CEP112: variants seen among roughly 807,000 people sequenced by gnomAD.
The protein encoded by CEP112 is centrosomal protein 112.
Under a neutral mutation model 153.0 loss-of-function variants are expected in CEP112, and 127 were observed. The observed-to-expected ratio is 0.83, with a 90% CI of 0.72 to 0.96. The LOEUF (loss-of-function observed/expected upper bound fraction) is 0.96. Ranked by LOEUF, CEP112 falls within the 40% of genes least tolerant of loss-of-function variation. The pLI, the probability that CEP112 is intolerant of heterozygous loss-of-function variation, is 0.00. For missense variants in CEP112, 1,089 were observed against 1,101.2 expected (o/e 0.99, Z 0.16); for synonymous variants, 358 against 374.4 (o/e 0.96, Z 0.51).
chr17:65,704,420 TACACACACACAC>T (rs3074178), intron 23 of CEP112, among the ~76,000 whole-genome samples: 2 of 147,704 alleles, frequency 1.4e-5, no homozygotes, highest in Non-Finnish European at 3.0e-5. Context: ...ACGTGTAAAA[TACACACACACAC>T]ACACACACAC....
chr17:66,069,911 C>G lies in CEP112; in HGVS notation c.855+4G>C. 1 of 1,542,622 alleles carries G rather than the reference C, an allele frequency of 6.5e-7. No homozygotes were observed. The highest frequency in any genetic ancestry group is 1.1e-5 in the South Asian group (1 of 87,298). ...ATAATTAAAACACGAGATATATATC[C>G]TACCTTCTGAACATCAGCATCATGT... is the stretch of plus-strand genomic sequence containing the variant. On this transcript the variant is annotated splice_donor_region_variant and intron_variant, in intron 9 of 26. Coordinates refer to ENST00000535342, the MANE Select transcript of CEP112 (RefSeq NM_001199165.4).
At chr17:65,732,997 C>T (rs62063593) in intron 23 of CEP112, among the ~76,000 whole-genome samples, 4 of 152,198 alleles carry the variant, frequency 2.6e-5, no homozygotes, top group Non-Finnish European at 4.4e-5. Flanking sequence ...GTGGCTATTT[C>T]GTACAAGAGG....
chr17:66,088,917 ACCCAC>A (rs1388938328), intron 8 of CEP112, among the ~76,000 whole-genome samples: 1 of 142,626 alleles, frequency 7.0e-6, no homozygotes. Context: ...TCAGGCTTAA[ACCCAC>A]CCTAGAACCA....
chr17:65,911,896 G>A (rs1158218351), intron 19 of CEP112, among the ~76,000 whole-genome samples: 2 of 152,170 alleles, frequency 1.3e-5, no homozygotes, highest in Non-Finnish European at 2.9e-5. Context: ...TTTCCGGAAG[G>A]TAAGATTTGG....
At chr17:66,102,231 G>C (rs996389438) in intron 6 of CEP112, among the ~76,000 whole-genome samples, 3 of 152,132 alleles carry the variant, frequency 2.0e-5, no homozygotes, top group South Asian at 4.1e-4. Context: ...GGTACTTTGA[G>C]AGACGTTTAT....
At chr17:65,774,111 T>TGGATTTAAACG (rs1177456336) in intron 21 of CEP112, among the ~76,000 whole-genome samples, 1 of 151,570 alleles carries the variant, frequency 6.6e-6, no homozygotes, top group Non-Finnish European at 1.5e-5. Flanking sequence ...AGTCCATTTT[T>TGGATTTAAACG]GGATTTAAAC....
chr17:65,906,189 T>C (rs1396863321), intron 19 of CEP112, among the ~76,000 whole-genome samples: 1 of 151,580 alleles, frequency 6.6e-6, no homozygotes, highest in Non-Finnish European at 1.5e-5. Context: ...ACACCCCATG[T>C]TCTCACTCAT....
rs535606142 is a variant in CEP112, at chr17:65,956,405, T to TACACAC, written c.1872+5057_1872+5058insGTGTGT. Among the ~76,000 whole-genome samples, 264 of 145,012 alleles carry TACACAC rather than the reference T, an allele frequency of 1.8e-3. 1 individual carries two copies. The highest frequency in any genetic ancestry group is 6.6e-3 in the Admixed American group (96 of 14,452). ...AGAAATTATGATATATATACATACA[T>TACACAC]ACATACACACACACACACACACACA... On this transcript the variant is annotated intron_variant, in intron 18 of 26. Coordinates refer to ENST00000535342, the MANE Select transcript of CEP112 (RefSeq NM_001199165.4).
At chr17:66,032,049 C>T (rs908042078) in intron 12 of CEP112, among the ~76,000 whole-genome samples, 2 of 152,096 alleles carry the variant, frequency 1.3e-5, no homozygotes, top group Admixed American at 6.5e-5. Context: ...GATGGAGTTG[C>T]ACTCTGTCCA....
intron 8 of CEP112, among the ~76,000 whole-genome samples, chr17:66,094,619 C>T (rs2146267741): frequency 6.6e-6 from 1 of 152,062 alleles, no homozygotes; most frequent in South Asian, 2.1e-4. Context: ...AACCGAAAAG[C>T]ATAGTCAACA....
intron 19 of CEP112, among the ~76,000 whole-genome samples, chr17:65,926,400 C>G (rs7207120): frequency 0.038 from 5,728 of 152,168 alleles, 323 homozygotes; most frequent in African/African-American, 0.12. Context: ...TATAAAGGTA[C>G]CATCTTTTCT....
At chr17:66,135,620 A>G (rs1002182234) in intron 4 of CEP112, among the ~76,000 whole-genome samples, 1 of 152,210 alleles carries the variant, frequency 6.6e-6, no homozygotes, top group Non-Finnish European at 1.5e-5. Flanking sequence ...CAACATGGAA[A>G]GAAAAAATTC....
At chr17:66,007,410 G>A (rs1279063757) in intron 16 of CEP112, among the ~76,000 whole-genome samples, 2 of 152,120 alleles carry the variant, frequency 1.3e-5, no homozygotes, top group Non-Finnish European at 2.9e-5. Flanking sequence ...AAAGAAGTCT[G>A]CTGTTCAAGT....
At chr17:66,135,868 T>G (rs2070411000) in intron 4 of CEP112, among the ~76,000 whole-genome samples, 2 of 151,366 alleles carry the variant, frequency 1.3e-5, no homozygotes, top group African/African-American at 2.4e-5. Context: ...TATAGATATA[T>G]AGATATAAAG....
chr17:65,991,830 T>G (rs1219737785), intron 17 of CEP112, among the ~76,000 whole-genome samples: 1 of 152,094 alleles, frequency 6.6e-6, no homozygotes, highest in Admixed American at 6.5e-5. Flanking sequence ...AAGTCACAAT[T>G]CCTCACTTTG....
At chr17:66,123,008 C>T (rs2069670960) in intron 6 of CEP112, among the ~76,000 whole-genome samples, 1 of 152,222 alleles carries the variant, frequency 6.6e-6, no homozygotes, top group Non-Finnish European at 1.5e-5. Context: ...TCTGATCTCA[C>T]TGGTCTTCAG....
intron 16 of CEP112, among the ~76,000 whole-genome samples, chr17:66,019,478 TA>T (rs1387103647): frequency 6.6e-6 from 1 of 152,062 alleles, no homozygotes; most frequent in East Asian, 1.9e-4. Flanking sequence ...GCAGGTTTAA[TA>T]AAGAAAGAAA....
chr17:66,043,788 C>T (rs2066086604), intron 12 of CEP112, among the ~76,000 whole-genome samples: 2 of 152,172 alleles, frequency 1.3e-5, no homozygotes, highest in Non-Finnish European at 2.9e-5. Context: ...GCGTAAGTCT[C>T]ATAATCTATA....
At chr17:66,075,316 T>C (rs147835682) in intron 8 of CEP112, among the ~76,000 whole-genome samples, 1 of 152,196 alleles carries the variant, frequency 6.6e-6, no homozygotes, top group Non-Finnish European at 1.5e-5. Context: ...GAGGTGGAAA[T>C]TAGAAAATGG....
Sources: allele counts gnomAD v4.1 joint callset (sites outside exome capture counted in the v4.1 genomes callset), GRCh38; gene constraint gnomAD v4.1.1; transcripts MANE v1.5; gene names NCBI Gene and HGNC (gene_info 2026-07-23, HGNC 2026-07-21).